Variants in FCHO2 observed in about 807,000 individuals in gnomAD.
FCHO2 encodes FCH and mu domain containing endocytic adaptor 2.
Under a neutral mutation model 114.1 loss-of-function variants are expected in FCHO2, and 43 were observed. That is an observed-to-expected ratio of 0.38 (90% CI 0.30 to 0.49). The LOEUF (loss-of-function observed/expected upper bound fraction) is 0.49, where lower values mean the gene tolerates loss of function less well. Ranked by LOEUF, FCHO2 falls within the 20% of genes least tolerant of loss-of-function variation. FCHO2 has a pLI of 0.97. For missense variants in FCHO2, 807 were observed against 950.4 expected, an observed-to-expected ratio of 0.85 and a Z score of 1.98; for synonymous variants, 293 against 315.2, an observed-to-expected ratio of 0.93 and a Z score of 0.75.
At chr5:73,001,535 AT>A (rs1178278198) in intron 5 of FCHO2, among the ~76,000 whole-genome samples, 1 of 149,062 alleles carries the variant, frequency 6.7e-6, no homozygotes, top group African/African-American at 2.5e-5. Flanking sequence ...ATGCTTCTCT[AT>A]TTCTTTTTTC....
At chr5:72,967,368 T>A (rs1159108357) in intron 1 of FCHO2, among the ~76,000 whole-genome samples, 1 of 152,238 alleles carries the variant, frequency 6.6e-6, no homozygotes, top group Non-Finnish European at 1.5e-5. Context: ...GTCTATTTTC[T>A]CCCTTCTCAG....
chr5:72,975,556 G>T (rs564682492), intron 2 of FCHO2, among the ~76,000 whole-genome samples: 1 of 152,154 alleles, frequency 6.6e-6, no homozygotes. Flanking sequence ...CCAGGCTGGA[G>T]TGCAGAGGTG....
intron 13 of FCHO2, among the ~76,000 whole-genome samples, chr5:73,053,620 C>T (rs1432972693): frequency 1.3e-5 from 2 of 151,408 alleles, no homozygotes; most frequent in Non-Finnish European, 2.9e-5. Flanking sequence ...GCTTGAAAAC[C>T]ATGAGGCGGA....
intron 2 of FCHO2, among the ~76,000 whole-genome samples, chr5:72,979,729 C>T (rs1034232430): frequency 6.6e-6 from 1 of 152,158 alleles, no homozygotes; most frequent in African/African-American, 2.4e-5. Flanking sequence ...AGTTTATTTG[C>T]ATAGTGGTGT....
chr5:73,061,489 A>G (rs1470300639), intron 17 of FCHO2, among the ~76,000 whole-genome samples: 1 of 151,986 alleles, frequency 6.6e-6, no homozygotes, highest in Non-Finnish European at 1.5e-5. Flanking sequence ...CTGAACTTGT[A>G]GAGCAGAGTA....
chr5:73,019,447 C>T (rs1240295065), intron 8 of FCHO2, among the ~76,000 whole-genome samples: 3 of 151,980 alleles, frequency 2.0e-5, no homozygotes, highest in Admixed American at 6.6e-5. Context: ...GAGGCTGAGG[C>T]GGGAGAATTG....
chr5:72,968,247 C>A (rs1752313911), intron 1 of FCHO2, among the ~76,000 whole-genome samples: 1 of 152,000 alleles, frequency 6.6e-6, no homozygotes, highest in Admixed American at 6.6e-5. Context: ...ATTAATTGTA[C>A]CTTTATGGGT....
chr5:73,011,473 C>G (rs1172595859), intron 6 of FCHO2, among the ~76,000 whole-genome samples: 1 of 150,500 alleles, frequency 6.6e-6, no homozygotes, highest in Non-Finnish European at 1.5e-5. Flanking sequence ...TTTTTTTTAA[C>G]TTTTTAAATC....
intron 13 of FCHO2, chr5:73,052,749 G>A: frequency 5.8e-6 from 2 of 342,742 alleles, no homozygotes; most frequent in Non-Finnish European, 1.0e-5. Context: ...ACAGTGCTGT[G>A]TGTCTCTGGC....
At chr5:73,086,076 C>T (rs1189983771) in intron 24 of FCHO2, among the ~76,000 whole-genome samples, 1 of 151,274 alleles carries the variant, frequency 6.6e-6, no homozygotes, top group Non-Finnish European at 1.5e-5. Context: ...GAGCCAAGAT[C>T]GTGCCACTGC....
chr5:73,054,503 C>G (rs1444019518), intron 14 of FCHO2, 22 bp from the exon 15 acceptor site: 2 of 1,529,692 alleles, frequency 1.3e-6, no homozygotes, highest in Admixed American at 2.1e-5. Context: ...TTTATGGTAC[C>G]TATTTTGCAT....
At chr5:73,041,370 C>A in intron 11 of FCHO2, 55 bp downstream of exon 11, 1 of 1,090,280 alleles carries the variant, frequency 9.2e-7, no homozygotes, top group Non-Finnish European at 1.4e-6. Context: ...TTCATTAGGA[C>A]AAACCTAACA....
At chr5:73,030,267 CCT>C (rs1229557795) in intron 8 of FCHO2, among the ~76,000 whole-genome samples, 4 of 152,114 alleles carry the variant, frequency 2.6e-5, no homozygotes, top group African/African-American at 9.7e-5. Context: ...GCGTTGGACT[CCT>C]GACCTCAGGT....
At chr5:73,060,672 G>A (rs749156709) in intron 17 of FCHO2, among the ~76,000 whole-genome samples, 3 of 151,984 alleles carry the variant, frequency 2.0e-5, no homozygotes, top group Non-Finnish European at 4.4e-5. Context: ...TCTCCTGTGT[G>A]TCTTTCATAA....
At chr5:73,075,287 T>G (rs1319665685) in intron 20 of FCHO2, among the ~76,000 whole-genome samples, 1 of 152,130 alleles carries the variant, frequency 6.6e-6, no homozygotes, top group Admixed American at 6.6e-5. Flanking sequence ...GGGTAAACTT[T>G]TTTGAGGTTA....
rs1366503220 is a variant in FCHO2, at chr5:73,051,361, G to A, written c.952G>A (p.Val318Ile). The change falls in exon 12 of 26, where the codon GTA becomes ATA. Residue 318 changes from valine (V) to isoleucine (I), a missense_variant. By Grantham distance (29) the Val-to-Ile change is conservative. Coordinates refer to ENST00000430046, the MANE Select transcript of FCHO2 (RefSeq NM_138782.3). ...CTTTTTCCCTTAGAACATTCCTGATGTAGATGAAGAAGGCTACAGTATTAA... is the reference window on the plus strand; with the variant it reads ...CTTTTTCCCTTAGAACATTCCTGATATAGATGAAGAAGGCTACAGTATTAA... ...PDADSLNIPDVDEEGYSIKPE... is the reference protein window; with the variant it reads ...PDADSLNIPDIDEEGYSIKPE... 1.3e-6 allele frequency: 2 copies of A among 1,530,412 alleles called. No homozygotes were observed. Among genetic ancestry groups the A allele is most frequent in the African/African-American group, 2.8e-5 (2 of 72,212 alleles). The allele number at this position is 1,530,412 out of a possible 1,614,324, so 94.8% of individuals were successfully genotyped here. A position where few individuals can be genotyped will look rare whatever the true frequency, so the allele number is the denominator to read the frequency against.
chr5:73,013,262 T>G (rs1225193937), intron 6 of FCHO2, among the ~76,000 whole-genome samples: 13 of 145,170 alleles, frequency 9.0e-5, no homozygotes, highest in African/African-American at 3.3e-4. Context: ...CCATTCTGGA[T>G]TTTTTTTTTT....
intron 2 of FCHO2, among the ~76,000 whole-genome samples, chr5:72,984,081 T>C (rs1753380185): frequency 6.6e-6 from 1 of 152,184 alleles, no homozygotes; most frequent in Non-Finnish European, 1.5e-5. Context: ...AGCTTGCTAA[T>C]AGTAGTATCT....
chr5:73,067,755 A>G (rs1742423850), intron 18 of FCHO2, among the ~76,000 whole-genome samples: 1 of 151,960 alleles, frequency 6.6e-6, no homozygotes, highest in Admixed American at 6.6e-5. Flanking sequence ...TACTTTTATA[A>G]GCAGGAAAAG....
Sources: allele counts gnomAD v4.1 joint callset (sites outside exome capture counted in the v4.1 genomes callset), GRCh38; gene constraint gnomAD v4.1.1; transcripts MANE v1.5; gene names NCBI Gene and HGNC (gene_info 2026-07-23, HGNC 2026-07-21).